Variants in MCAM observed in about 807,000 individuals in gnomAD.
MCAM encodes the protein melanoma cell adhesion molecule.
In MCAM, 55 loss-of-function variants were observed where a neutral mutation model predicts 79.1. That is an observed-to-expected ratio of 0.70 (90% CI 0.56 to 0.87). The LOEUF (loss-of-function observed/expected upper bound fraction) is 0.87. Among genes scored for constraint, MCAM ranks in the 40% least tolerant of loss-of-function variants. The pLI is 0.00. For synonymous variants in MCAM, 330 were observed against 339.8 expected (o/e 0.97, Z 0.32); for missense variants, 745 against 839.8 (o/e 0.89, Z 1.40).
rs1261920684 is a variant in MCAM, at chr11:119,309,871, T to C, written c.*15A>G. The stretch of plus-strand genomic sequence containing the variant: ...GAATGGTCCAGGCAGGGAAGGGAGC[T>C]GAAGTGATTCGGGGCTAATGCCTCA... On this transcript the variant is annotated 3_prime_UTR_variant, in exon 16 of 16. Coordinates refer to ENST00000264036, the MANE Select transcript of MCAM (RefSeq NM_006500.3). The C allele has an allele frequency of 2.2e-5, 35 of 1,596,792 alleles. No individual in the cohort carries two copies. Among genetic ancestry groups the C allele is most frequent in the Non-Finnish European group, 2.9e-5 (34 of 1,171,168 alleles).
At position 119,312,169 on chromosome 11, in the gene MCAM, A is replaced by T; in HGVS notation, c.1026T>A (p.Tyr342Ter). 1 of 1,612,150 alleles carries T rather than the reference A, an allele frequency of 6.2e-7. No individual in the cohort carries two copies. ...CGGGACTCACTCGGACGTCAGACACATCTGGGGGTACAGCAATCATGTCAC... is the reference window on the plus strand; with the variant it reads ...CGGGACTCACTCGGACGTCAGACACTTCTGGGGGTACAGCAATCATGTCAC... ...LSEPQELLVN[Y>*]VSDVRVSPAA... The change falls in exon 9 of 16, where the codon TAT (tyrosine) becomes TAA (stop). Residue 342 changes from tyrosine to a stop codon, truncating the protein, a stop_gained and splice_region_variant. Coordinates refer to ENST00000264036, the MANE Select transcript of MCAM (RefSeq NM_006500.3). LOFTEE classifies it high-confidence loss of function. The surrounding 1 kb of genome is among the most constrained non-coding windows in gnomAD (Gnocchi z 4.9).
chr11:119,312,930 G>T lies in MCAM; in HGVS notation c.579C>A (p.Ser193=). Residue 193 remains serine, a synonymous_variant, in exon 6 of 16, where the codon TCC becomes TCA. Coordinates refer to ENST00000264036, the MANE Select transcript of MCAM (RefSeq NM_006500.3). This position sits in a 1 kb window ranked among gnomAD's most constrained non-coding sequence, Gnocchi z 4.9. ...EEKNRVHIQS[S]QTVESSGLYT... ...ACAAACCACTCGACTCCACAGTCTG[G>T]GACGACTGAATGTGGACCCCTGGGC... 6.2e-7 allele frequency: 1 copy of T among 1,614,120 alleles called. No homozygotes were observed. Among genetic ancestry groups the T allele is most frequent in the South Asian group, 1.1e-5 (1 of 91,078 alleles).
Position 119,312,365 on chromosome 11 carries a change from G to C in MCAM, c.925C>G (p.Pro309Ala), listed in dbSNP as rs770082501. The part of the protein sequence containing the change: ...TNDNGVLVLE[P>A]ARKEHSGRYE... ...CGCCCACTGTGTTCCTTCCGGGCAGGCTCCAGCACCAGGACCCCGTTGTCG... is the reference window on the plus strand; with the variant it reads ...CGCCCACTGTGTTCCTTCCGGGCAGCCTCCAGCACCAGGACCCCGTTGTCG... The change falls in exon 8 of 16, where the codon CCT becomes GCT. Residue 309 changes from proline (P) to alanine (A), a missense_variant. Transcript: ENST00000264036. This position sits in a 1 kb window ranked among gnomAD's most constrained non-coding sequence, Gnocchi z 4.9. The C allele has an allele frequency of 3.1e-6, 5 of 1,613,922 alleles. No homozygotes were observed. The highest frequency in any genetic ancestry group is 2.2e-5 in the East Asian group (1 of 44,866).
Position 119,317,068 on chromosome 11 carries a change from G to A in MCAM, c.34C>T (p.Leu12Phe). ...CGAGGACAGCAGCAGCAGGCGGCGAGCAAGAAGGCGCAGACCAGCCTGGGA... is the reference window on the plus strand; with the variant it reads ...CGAGGACAGCAGCAGCAGGCGGCGAACAAGAAGGCGCAGACCAGCCTGGGA... ...GLPRLVCAFL[L>F]AACCCCPRVA... The change falls in exon 1 of 16, where the codon CTC (leucine) becomes TTC (phenylalanine). Residue 12 changes from leucine to phenylalanine, a missense_variant. Transcript: ENST00000264036. This position sits in a 1 kb window ranked among gnomAD's most constrained non-coding sequence, Gnocchi z 6.2. 1 of 1,535,050 alleles carries A rather than the reference G, an allele frequency of 6.5e-7. No homozygotes were observed. The highest frequency in any genetic ancestry group is 8.7e-7 in the Non-Finnish European group (1 of 1,144,522).
rs754710106 is a variant in MCAM at position 119,311,220 on chromosome 11, C to G, written c.1550-35G>C. On this transcript the variant is annotated intron_variant, in intron 12 of 15. Coordinates refer to ENST00000264036, the MANE Select transcript of MCAM (RefSeq NM_006500.3). This position sits in a 1 kb window ranked among gnomAD's most constrained non-coding sequence, Gnocchi z 4.4. Reference sequence around the variant, plus strand: ...AGAGGGAGGGGTGTTAGGAGAAGCGCAAGTTACTGCCCGTGCCTGGGCCTG... The same window carrying G: ...AGAGGGAGGGGTGTTAGGAGAAGCGGAAGTTACTGCCCGTGCCTGGGCCTG... 1.9e-6 allele frequency: 3 copies of G among 1,613,164 alleles called. No individual in the cohort carries two copies. In the Admixed American group the frequency reaches 5.0e-5, roughly 27 times the overall value.
rs369964948 is a variant in MCAM at position 119,310,449 on chromosome 11, C to G, written c.1811G>C (p.Arg604Pro). The stretch of plus-strand genomic sequence containing the variant: ...AACTTCAACTACAAGTTCGCTCTTA[C>G]GAGACGGGGGTAGCGTGCTGGGAGG... ...GKQEITLPPS[R>P]KSELVVEVKS... Residue 604 changes from arginine to proline, a missense_variant, in exon 15 of 16, where the codon CGT (arginine) becomes CCT (proline). By Grantham distance (103) the Arg-to-Pro change is moderately radical. Coordinates refer to ENST00000264036, the MANE Select transcript of MCAM (RefSeq NM_006500.3). 4.3e-6 allele frequency: 7 copies of G among 1,613,000 alleles called. No individual in the cohort carries two copies. Among genetic ancestry groups the G allele is most frequent in the Non-Finnish European group, 4.2e-6 (5 of 1,179,074 alleles).
At position 119,314,907 on chromosome 11, in the gene MCAM, TG is replaced by T; in HGVS notation, c.325del (p.Gln109LysfsTer42). 1 of 1,613,292 alleles carries T rather than the reference TG, an allele frequency of 6.2e-7. No individual in the cohort carries two copies. Among genetic ancestry groups the T allele is most frequent in the Non-Finnish European group, 8.5e-7 (1 of 1,180,000 alleles). ...ATLALTQVTP[Q>X]DERIFLCQGK... is the part of the protein sequence containing the mutation. Reference sequence around the variant, plus strand: ...CTGGCACAAGAAGATGCGCTCGTCTTGGGGGGTGACTTGAGTCAGGGCCAGA... The same window carrying T: ...CTGGCACAAGAAGATGCGCTCGTCTTGGGGGTGACTTGAGTCAGGGCCAGA... On this transcript the variant is annotated frameshift_variant, in exon 3 of 16. Transcript: ENST00000264036. LOFTEE classifies it high-confidence loss of function.
rs1014972189 is a variant in MCAM, at chr11:119,316,398, C to G, written c.67+637G>C. ...GCACTTCCCACCTGAATGTGGTCCCCAAAATAAGCCAGCGGGCGCTTCCAG... is the reference window on the plus strand; with the variant it reads ...GCACTTCCCACCTGAATGTGGTCCCGAAAATAAGCCAGCGGGCGCTTCCAG... On this transcript the variant is annotated intron_variant, in intron 1 of 15. Transcript: ENST00000264036. The surrounding 1 kb of genome is among the most constrained non-coding windows in gnomAD (Gnocchi z 4.8). 6.6e-6 allele frequency among the ~76,000 whole-genome samples: 1 copy of G among 152,178 alleles called. No homozygotes were observed. Among genetic ancestry groups the G allele is most frequent in the Non-Finnish European group, 1.5e-5 (1 of 68,026 alleles).
At position 119,314,830 on chromosome 11, in the gene MCAM, C is replaced by T. The variant is rs1366370233; in HGVS notation, c.400+3G>A. 6.2e-7 allele frequency: 1 copy of T among 1,613,618 alleles called. No individual in the cohort carries two copies. The highest frequency in any genetic ancestry group is 1.7e-5 in the Admixed American group (1 of 60,004). Reference sequence around the variant, plus strand: ...CCCTGCTGGCAGACACAGGGTCACGCACTGTAGACGCGGAGCTGGATGCGG... The same window carrying T: ...CCCTGCTGGCAGACACAGGGTCACGTACTGTAGACGCGGAGCTGGATGCGG... On this transcript the variant is annotated splice_donor_region_variant and intron_variant, in intron 3 of 15. Transcript: ENST00000264036.
chr11:119,314,587 C>G lies in MCAM; in HGVS notation c.472-11G>C. The G allele has an allele frequency of 6.2e-7, 1 of 1,613,480 alleles. No individual in the cohort carries two copies. The highest frequency in any genetic ancestry group is 1.3e-5 in the African/African-American group (1 of 75,004). ...TACACAGGTAGCGACCTAAAGAGCACAGGGTGTGAGTCTCCCTGCCTCCGA... is the reference window on the plus strand; with the variant it reads ...TACACAGGTAGCGACCTAAAGAGCAGAGGGTGTGAGTCTCCCTGCCTCCGA... On this transcript the variant is annotated splice_polypyrimidine_tract_variant and intron_variant, in intron 4 of 15. Transcript: ENST00000264036.
intron 5 of MCAM, chr11:119,313,321 T>C (rs1950262438): frequency 2.3e-6 from 3 of 1,312,188 alleles, no homozygotes; most frequent in Non-Finnish European, 2.0e-6. Flanking sequence ...CCCAGAAACA[T>C]TGTATAAAAG....
intron 5 of MCAM, chr11:119,313,232 G>A (rs1392937760): frequency 7.1e-7 from 1 of 1,415,372 alleles, no homozygotes; most frequent in South Asian, 1.2e-5. Context: ...AATGGGGAAT[G>A]GTGAACTCGA....
In MCAM at chr11:119,312,991, A is replaced by G. The variant is rs1330595999; in HGVS notation, c.560-42T>C. ...GGGAGGAAGACTCAGCCTCAGCCCC[A>G]CCTCCAGCCCCACCCTAGGGTTGTC... On this transcript the variant is annotated intron_variant, in intron 5 of 15. Transcript: ENST00000264036. The surrounding 1 kb of genome is among the most constrained non-coding windows in gnomAD (Gnocchi z 4.9). 6.2e-7 allele frequency: 1 copy of G among 1,612,108 alleles called. No homozygotes were observed. Among genetic ancestry groups the G allele is most frequent in the South Asian group, 1.1e-5 (1 of 90,996 alleles).
rs1950318902 is a variant in MCAM, at chr11:119,317,065, C to A, written c.37G>T (p.Ala13Ser). 3.3e-6 allele frequency: 5 copies of A among 1,534,852 alleles called. No homozygotes were observed. In the East Asian group the frequency reaches 1.2e-4, roughly 38 times the overall value. ...LPRLVCAFLL[A>S]ACCCCPRVAG... ...ACGCGAGGACAGCAGCAGCAGGCGG[C>A]GAGCAAGAAGGCGCAGACCAGCCTG... Residue 13 changes from alanine (A) to serine (S), a missense_variant, in exon 1 of 16, where the codon GCC becomes TCC. Coordinates refer to ENST00000264036, the MANE Select transcript of MCAM (RefSeq NM_006500.3). The surrounding 1 kb of genome is among the most constrained non-coding windows in gnomAD (Gnocchi z 6.2).
intron 15 of MCAM, 143 bp downstream of exon 15, chr11:119,310,206 C>G: frequency 1.4e-6 from 1 of 695,532 alleles, no homozygotes. Flanking sequence ...GCCCTGCCAT[C>G]TGTGAGTAGT....
rs1327712477 is a variant in MCAM, at chr11:119,310,854, C to T, written c.1695G>A (p.Val565=). The T allele has an allele frequency of 5.0e-6, 8 of 1,614,226 alleles. No homozygotes were observed. Among genetic ancestry groups the T allele is most frequent in the Non-Finnish European group, 6.8e-6 (8 of 1,180,042 alleles). The change falls in exon 14 of 16, where the codon GTG becomes GTA. Residue 565 remains valine (V), a synonymous_variant. Coordinates refer to ENST00000264036, the MANE Select transcript of MCAM (RefSeq NM_006500.3). ...CCGCCAGGACCAGGATGCACACAAT[C>T]ACAGCCACGATGACCACGCCCCGGC... is the stretch of plus-strand genomic sequence containing the variant. ...PESRGVVIVA[V]IVCILVLAVL...
In MCAM at chr11:119,311,268, T is replaced by G. The variant is rs375484847; in HGVS notation, c.1549+12A>C. 6 of 1,614,006 alleles carry G rather than the reference T, an allele frequency of 3.7e-6. No individual in the cohort carries two copies. The East Asian group carries it at 6.7e-5, about 18-fold the overall frequency. ...CTGCCCCTGCCATCCCCTGCAGGGA[T>G]GCAGCCCTCACCCAGCTCCAGGAAG... On this transcript the variant is annotated intron_variant, in intron 12 of 15. Coordinates refer to ENST00000264036, the MANE Select transcript of MCAM (RefSeq NM_006500.3). This position sits in a 1 kb window ranked among gnomAD's most constrained non-coding sequence, Gnocchi z 4.4.
Position 119,310,799 on chromosome 11 carries a change from TATAGAG to T in MCAM, c.1744_1749del (p.Leu582_Tyr583del). On this transcript the variant is annotated inframe_deletion, in exon 14 of 16. Coordinates refer to ENST00000264036, the MANE Select transcript of MCAM (RefSeq NM_006500.3). ...CGCCTGCACGGCAGCTTGCCCTTCT[TATAGAG>T]GAAATAGAGGACAGCGCCCAGCACC... 6 of 1,613,998 alleles carry T rather than the reference TATAGAG, an allele frequency of 3.7e-6. No individual in the cohort carries two copies. Among genetic ancestry groups the T allele is most frequent in the Non-Finnish European group, 5.1e-6 (6 of 1,179,996 alleles).
chr11:119,313,469 C>T (rs1047313407), intron 5 of MCAM: 2 of 508,536 alleles, frequency 3.9e-6, no homozygotes, highest in Non-Finnish European at 6.2e-6. Flanking sequence ...ACAATCTCGG[C>T]TCACCGCAAC....
Sources: gnomAD v4.1 joint callset for allele counts (sites outside exome capture counted in the v4.1 genomes callset) on GRCh38, gnomAD v4.1.1 for gene constraint, Gnocchi (gnomAD v3.1) non-coding constraint, MANE v1.5 for transcripts, NCBI Gene and HGNC (gene_info 2026-07-23, HGNC 2026-07-21) for gene names.